The following NKAIN3 variants were observed in gnomAD, a reference collection of about 807,000 sequenced individuals.
NKAIN3 encodes sodium/potassium transporting ATPase interacting 3.
NKAIN3 carries 25 observed loss-of-function variants against 30.2 expected under a neutral mutation model. The ratio of observed to expected loss-of-function variants is 0.83; its 90% CI spans 0.60 to 1.16. NKAIN3 has a LOEUF of 1.16. Ranked by LOEUF, NKAIN3 falls within the 50% of genes most tolerant of loss-of-function variation. The pLI, the probability that NKAIN3 is intolerant of heterozygous loss-of-function variation, is 0.00. For missense variants in NKAIN3, 225 were observed against 254.1 expected, an observed-to-expected ratio of 0.89 and a Z score of 0.78; for synonymous variants, 91 against 89.6, an observed-to-expected ratio of 1.02 and a Z score of -0.09.
chr8:62,864,306 A>C (rs1820354051), intron 4 of NKAIN3: 1 of 1,416,102 alleles, frequency 7.1e-7, no homozygotes, highest in African/African-American at 1.5e-5. Flanking sequence ...AAGAGAAAGA[A>C]GACCCTGAGA....
rs1219559233 is a variant in NKAIN3, at chr8:62,707,052, T to TACACACAC, written c.274-39877_274-39876insCACACACA. On this transcript the variant is annotated intron_variant, in intron 3 of 6. Transcript: ENST00000623646. The stretch of plus-strand genomic sequence containing the variant: ...TGGCTGCATAGTATTCCATCATACA[T>TACACACAC]ACATACACACACACACACACACACA... Among the ~76,000 whole-genome samples, 391 of 99,258 alleles carry TACACACAC rather than the reference T, an allele frequency of 3.9e-3. 2 individuals carry two copies. The highest frequency in any genetic ancestry group is 0.011 in the African/African-American group (376 of 33,278). 65.1% of individuals were successfully genotyped at this position (99,258 alleles called of 152,430 possible). A position where few individuals can be genotyped will look rare whatever the true frequency, so the allele number is the denominator to read the frequency against.
intron 4 of NKAIN3, among the ~76,000 whole-genome samples, chr8:62,917,683 A>G (rs1563627097): frequency 6.6e-6 from 1 of 152,248 alleles, no homozygotes; most frequent in Non-Finnish European, 1.5e-5. Context: ...TATAGCAGCT[A>G]TCAAGTATCT....
intron 4 of NKAIN3, among the ~76,000 whole-genome samples, chr8:62,870,251 T>C (rs1481025714): frequency 9.8e-6 from 1 of 102,046 alleles, no homozygotes. Context: ...TATAGATATC[T>C]ATATATATAT....
intron 3 of NKAIN3, among the ~76,000 whole-genome samples, chr8:62,682,046 T>G (rs528186242): frequency 6.6e-6 from 1 of 152,188 alleles, no homozygotes; most frequent in Non-Finnish European, 1.5e-5. Context: ...ATCATGAACT[T>G]TTGCTCCAAG....
At chr8:62,486,901 C>T (rs573849387) in intron 1 of NKAIN3, among the ~76,000 whole-genome samples, 9 of 152,248 alleles carry the variant, frequency 5.9e-5, no homozygotes, top group African/African-American at 2.2e-4. Flanking sequence ...GGGAAGTGTT[C>T]TTGCTGCTGT....
chr8:62,623,997 G>T (rs1043262519), intron 3 of NKAIN3, among the ~76,000 whole-genome samples: 1 of 152,060 alleles, frequency 6.6e-6, no homozygotes, highest in South Asian at 2.1e-4. Context: ...CAGAACTGAA[G>T]GTTCCTCCCC....
rs1248119755 is a variant in NKAIN3, at chr8:62,970,650, G to GAAGAGA, written c.*5254_*5259dup. On this transcript the variant is annotated 3_prime_UTR_variant, in exon 7 of 7. Coordinates refer to ENST00000623646, the MANE Select transcript of NKAIN3 (RefSeq NM_001304533.3). ...GAGAGGAAAATGGAGAGAAGATGAG[G>GAAGAGA]AAGAGAAAGAGAAAGAAAGGGAATG... Among the ~76,000 whole-genome samples, 1 of 152,088 alleles carries GAAGAGA rather than the reference G, an allele frequency of 6.6e-6. No homozygotes were observed. The highest frequency in any genetic ancestry group is 1.5e-5 in the Non-Finnish European group (1 of 68,012).
At chr8:62,808,180 G>A (rs952070889) in intron 4 of NKAIN3, among the ~76,000 whole-genome samples, 3 of 152,160 alleles carry the variant, frequency 2.0e-5, no homozygotes, top group African/African-American at 4.8e-5. Flanking sequence ...ATGTGTCCAC[G>A]TGCTTGTCAA....
chr8:62,802,623 A>G (rs941822392), intron 4 of NKAIN3, among the ~76,000 whole-genome samples: 1 of 152,218 alleles, frequency 6.6e-6, no homozygotes, highest in African/African-American at 2.4e-5. Flanking sequence ...AGCACTAAAC[A>G]TGGAAAGGAA....
rs1814015587 is a variant in NKAIN3 at position 62,300,682 on chromosome 8, A to G, written c.54+51555A>G. On this transcript the variant is annotated intron_variant, in intron 1 of 6. Coordinates refer to ENST00000623646, the MANE Select transcript of NKAIN3 (RefSeq NM_001304533.3). ...TCTTACATTTTTGCATTTGATGTCAAGTGAAAAAATGGAAAAACACAATTT... is the reference window on the plus strand; with the variant it reads ...TCTTACATTTTTGCATTTGATGTCAGGTGAAAAAATGGAAAAACACAATTT... Among the ~76,000 whole-genome samples, 3 of 152,156 alleles carry G rather than the reference A, an allele frequency of 2.0e-5. No homozygotes were observed. In the East Asian group the frequency reaches 5.8e-4, roughly 29 times the overall value.
At chr8:62,713,773 A>G (rs1814803741) in intron 3 of NKAIN3, among the ~76,000 whole-genome samples, 1 of 152,172 alleles carries the variant, frequency 6.6e-6, no homozygotes, top group Non-Finnish European at 1.5e-5. Flanking sequence ...CTCACATTCT[A>G]TTACTAAATT....
At chr8:62,878,507 T>G (rs1329622783) in intron 4 of NKAIN3, among the ~76,000 whole-genome samples, 2 of 151,172 alleles carry the variant, frequency 1.3e-5, no homozygotes, top group African/African-American at 2.4e-5. Flanking sequence ...TGTTGTTGTG[T>G]TTTTATTATT....
intron 3 of NKAIN3, among the ~76,000 whole-genome samples, chr8:62,717,238 A>T (rs1261798592): frequency 2.0e-5 from 3 of 152,164 alleles, no homozygotes; most frequent in Admixed American, 2.0e-4. Context: ...TTATAGAAAG[A>T]ATATTCATTT....
chr8:62,830,526 T>G (rs1010875948), intron 4 of NKAIN3, among the ~76,000 whole-genome samples: 8 of 152,358 alleles, frequency 5.3e-5, no homozygotes, highest in Middle Eastern at 3.4e-3. Flanking sequence ...GCCTTAAATT[T>G]TTCTAAAGCT....
At chr8:62,747,815 T>C (rs1816132334) in intron 4 of NKAIN3, among the ~76,000 whole-genome samples, 1 of 152,198 alleles carries the variant, frequency 6.6e-6, no homozygotes, top group Non-Finnish European at 1.5e-5. Context: ...GGACTTATCA[T>C]TTAGTTTGAG....
rs1824322646 is a variant in NKAIN3, at chr8:62,991,619, ATTAAGT to A, written c.533-7609_533-7604del. 2.0e-5 allele frequency among the ~76,000 whole-genome samples: 3 copies of A among 152,344 alleles called. No individual in the cohort carries two copies. The South Asian group carries it at 6.2e-4, about 32-fold the overall frequency. On this transcript the variant is annotated intron_variant, in intron 5 of 5. Coordinates refer to the NKAIN3 transcript ENST00000519049. ...TTCCAGATTATGTAGAAATGACTTC[ATTAAGT>A]TTGTTTTCAGAGTGTTTTTCTGAAA...
At chr8:62,869,225 A>G (rs1820515162) in intron 4 of NKAIN3, among the ~76,000 whole-genome samples, 2 of 152,216 alleles carry the variant, frequency 1.3e-5, no homozygotes, top group Admixed American at 1.3e-4. Flanking sequence ...TGCATGTGCC[A>G]TGGTGGTTTG....
chr8:62,484,218 G>A (rs1454079116), intron 1 of NKAIN3, among the ~76,000 whole-genome samples: 2 of 152,108 alleles, frequency 1.3e-5, no homozygotes, highest in Non-Finnish European at 2.9e-5. Context: ...TCTCCCTCGG[G>A]ATGCTCTTAG....
chr8:62,831,907 T>C (rs1819208886), intron 4 of NKAIN3, among the ~76,000 whole-genome samples: 1 of 152,112 alleles, frequency 6.6e-6, no homozygotes, highest in African/African-American at 2.4e-5. Context: ...TGTCAAGGCA[T>C]ATAGTCACCA....
Sources: gnomAD v4.1 joint callset for allele counts (sites outside exome capture counted in the v4.1 genomes callset) on GRCh38, gnomAD v4.1.1 for gene constraint, MANE v1.5 for transcripts, NCBI Gene and HGNC (gene_info 2026-07-23, HGNC 2026-07-21) for gene names.